The following ITSN1 variants were observed in gnomAD, a reference collection of about 807,000 sequenced individuals.
ITSN1 encodes the protein intersectin-1.
ITSN1 carries 58 observed loss-of-function variants against 239.8 expected under a neutral mutation model. The observed-to-expected ratio is 0.24, with a 90% CI of 0.20 to 0.30. The LOEUF is 0.30. ITSN1 is among the 10% of genes least tolerant of loss of function. The pLI is 1.00. For missense variants in ITSN1, 1,558 were observed against 2,103.3 expected (o/e 0.74, Z 5.07); for synonymous variants, 780 against 770.8 (o/e 1.01, Z -0.20).
intron 8 of ITSN1, among the ~76,000 whole-genome samples, chr21:33,758,396 T>C (rs2068067741): frequency 6.6e-6 from 1 of 152,238 alleles, no homozygotes; most frequent in Admixed American, 6.5e-5. Flanking sequence ...ATTATAGGCG[T>C]GAGCCACCGC....
chr21:33,695,053 A>C (rs2091735567), intron 1 of ITSN1, among the ~76,000 whole-genome samples: 1 of 152,164 alleles, frequency 6.6e-6, no homozygotes, highest in South Asian at 2.1e-4. Flanking sequence ...GGCCTCAAGC[A>C]GTCCTCCTGC....
rs1197643712 is a variant in ITSN1, at chr21:33,898,442, T to G, written c.*10142T>G. ...TCCCGTCTGCATTCCCAGAAAAGGA[T>G]CAGAAGTCCAGGCTGCTTCTGGGGC... On this transcript the variant is annotated 3_prime_UTR_variant, in exon 40 of 40. Coordinates refer to ENST00000381318, the MANE Select transcript of ITSN1 (RefSeq NM_003024.3). 6.6e-6 allele frequency: 1 copy of G among 152,144 alleles called. No homozygotes were observed. Among genetic ancestry groups the G allele is most frequent in the Non-Finnish European group, 1.5e-5 (1 of 68,024 alleles). 9.4% of individuals were successfully genotyped at this position (152,144 alleles called of 1,614,324 possible). A position where few individuals can be genotyped will look rare whatever the true frequency, so the allele number is the denominator to read the frequency against.
intron 5 of ITSN1, among the ~76,000 whole-genome samples, chr21:33,736,471 C>T (rs1433472531): frequency 1.3e-5 from 2 of 152,176 alleles, no homozygotes; most frequent in East Asian, 3.9e-4. Flanking sequence ...GATAGTGGTC[C>T]AAGAAAAGAA....
intron 28 of ITSN1, 117 bp downstream of exon 28, chr21:33,834,541 T>G: frequency 2.7e-6 from 2 of 738,880 alleles, no homozygotes; most frequent in East Asian, 2.7e-5. Context: ...AAGCACTTCC[T>G]GTACTTGCTG....
At chr21:33,834,531 AAGCACTTCC>A in intron 28 of ITSN1, 107 bp downstream of exon 28, 1 of 790,760 alleles carries the variant, frequency 1.3e-6, no homozygotes, top group Non-Finnish European at 2.2e-6. Flanking sequence ...ATGTGCTTTA[AAGCACTTCC>A]TGTACTTGCT....
chr21:33,748,010 CTA>C lies in ITSN1; in HGVS notation c.347-2131_347-2130del, dbSNP rs147027462. The stretch of plus-strand genomic sequence containing the variant: ...ATTGTATAAAGTAATAATTATAACT[CTA>C]TTATTGGGCTTATAACATATTATAA... On this transcript the variant is annotated intron_variant, in intron 5 of 39. Coordinates refer to ENST00000381318, the MANE Select transcript of ITSN1 (RefSeq NM_003024.3). 7.2e-3 allele frequency among the ~76,000 whole-genome samples: 1,098 copies of C among 152,112 alleles called. 13 individuals carry two copies. The highest frequency in any genetic ancestry group is 0.025 in the African/African-American group (1,044 of 41,544).
At chr21:33,873,589 G>A (rs1252406995) in intron 33 of ITSN1, among the ~76,000 whole-genome samples, 1 of 152,234 alleles carries the variant, frequency 6.6e-6, no homozygotes, top group Non-Finnish European at 1.5e-5. Context: ...CATTTATGTG[G>A]GCCAGGCGTG....
At chr21:33,842,147 G>A (rs529535605) in intron 29 of ITSN1, among the ~76,000 whole-genome samples, 7 of 151,790 alleles carry the variant, frequency 4.6e-5, no homozygotes, top group African/African-American at 7.3e-5. Context: ...CGCCTGCCTC[G>A]GCCTCCCAAA....
At chr21:33,728,151 G>A (rs1473347450) in intron 4 of ITSN1, among the ~76,000 whole-genome samples, 3 of 152,040 alleles carry the variant, frequency 2.0e-5, no homozygotes, top group Non-Finnish European at 4.4e-5. Context: ...TTTTAGTAGA[G>A]ACGGGGTTTC....
intron 21 of ITSN1, among the ~76,000 whole-genome samples, chr21:33,813,553 A>G (rs2073058942): frequency 6.6e-6 from 1 of 151,938 alleles, no homozygotes; most frequent in Non-Finnish European, 1.5e-5. Flanking sequence ...GGGTTTCACC[A>G]TGTTGGTCAG....
intron 22 of ITSN1, chr21:33,817,359 G>C (rs1296838969): frequency 1.5e-6 from 2 of 1,304,270 alleles, no homozygotes; most frequent in African/African-American, 1.5e-5. Context: ...GGCCTGGAGT[G>C]CCCTTCCTCC....
chr21:33,848,710 G>A (rs1038643187), intron 29 of ITSN1, among the ~76,000 whole-genome samples: 1 of 152,124 alleles, frequency 6.6e-6, no homozygotes, highest in East Asian at 1.9e-4. Flanking sequence ...CCACCTGAAC[G>A]CCCATGACTC....
chr21:33,781,636 A>T, intron 15 of ITSN1, 88 bp downstream of exon 15: 4 of 762,526 alleles, frequency 5.2e-6, no homozygotes, highest in Non-Finnish European at 4.2e-6. Context: ...GCTGGAGTGC[A>T]GTGGCGCAAT....
chr21:33,759,569 A>G (rs549610429), intron 8 of ITSN1, among the ~76,000 whole-genome samples: 4 of 152,352 alleles, frequency 2.6e-5, no homozygotes, highest in South Asian at 4.1e-4. Context: ...TCTAGATACA[A>G]TGTTACAGAC....
At chr21:33,864,356 A>G (rs1302307902) in intron 31 of ITSN1, among the ~76,000 whole-genome samples, 5 of 152,144 alleles carry the variant, frequency 3.3e-5, no homozygotes, top group Admixed American at 3.3e-4. Flanking sequence ...ACCGTGTATA[A>G]GCTCAGTGCC....
intron 1 of ITSN1, among the ~76,000 whole-genome samples, chr21:33,679,197 G>A (rs1188861635): frequency 1.3e-5 from 2 of 152,090 alleles, no homozygotes; most frequent in Non-Finnish European, 2.9e-5. Context: ...AAATATTTAT[G>A]TTTCAGGTGT....
chr21:33,881,837 G>A (rs1429674294), intron 34 of ITSN1, among the ~76,000 whole-genome samples: 2 of 151,110 alleles, frequency 1.3e-5, no homozygotes, highest in Non-Finnish European at 2.9e-5. Flanking sequence ...TTTCACATGT[G>A]TTGGGGGGCT....
At chr21:33,786,415 C>CTT (rs1170432017) in intron 16 of ITSN1, among the ~76,000 whole-genome samples, 2 of 152,204 alleles carry the variant, frequency 1.3e-5, no homozygotes, top group African/African-American at 4.8e-5. Flanking sequence ...TTTGGAGACT[C>CTT]TGTGTACCAA....
At chr21:33,746,550 T>C (rs2067195990) in intron 5 of ITSN1, among the ~76,000 whole-genome samples, 1 of 152,128 alleles carries the variant, frequency 6.6e-6, no homozygotes, top group Non-Finnish European at 1.5e-5. Context: ...TGTGAAAAGT[T>C]CAATAACTGG....
Sources: gnomAD v4.1 joint callset for allele counts (sites outside exome capture counted in the v4.1 genomes callset) on GRCh38, gnomAD v4.1.1 for gene constraint, MANE v1.5 for transcripts, NCBI Gene and HGNC (gene_info 2026-07-23, HGNC 2026-07-21) for gene names.